The following DNAH14 variants were observed in gnomAD, a reference collection of about 807,000 sequenced individuals.
DNAH14 encodes axonemal beta dynein heavy chain 14.
A neutral mutation model predicts 520.9 loss-of-function variants in DNAH14; 478 were observed. The ratio of observed to expected loss-of-function variants is 0.92; its 90% CI spans 0.85 to 0.99. The LOEUF (loss-of-function observed/expected upper bound fraction) is 0.99, where lower values mean the gene tolerates loss of function less well. DNAH14 is among the 50% of genes least tolerant of loss of function. The pLI is 0.00. For missense variants in DNAH14, 4,831 were observed against 5,234.5 expected (o/e 0.92, Z 2.38); for synonymous variants, 1,581 against 1,757.2 (o/e 0.90, Z 2.51).
intron 79 of DNAH14, among the ~76,000 whole-genome samples, chr1:225,378,331 C>A (rs1055129955): frequency 1.3e-5 from 2 of 152,136 alleles, no homozygotes; most frequent in Non-Finnish European, 2.9e-5. Flanking sequence ...TCTTTGCCCT[C>A]TGAAGGTAAG....
intron 6 of DNAH14, chr1:224,967,955 G>A: frequency 8.7e-7 from 1 of 1,155,428 alleles, no homozygotes; most frequent in South Asian, 3.9e-5. Flanking sequence ...GCCAGATGTA[G>A]AAATCCCCCT....
At chr1:225,229,805 T>C (rs1458679424) in intron 41 of DNAH14, among the ~76,000 whole-genome samples, 2 of 152,022 alleles carry the variant, frequency 1.3e-5, no homozygotes, top group African/African-American at 4.8e-5. Flanking sequence ...CTAGGAGAAA[T>C]ACCTAATGTC....
At position 225,023,780 on chromosome 1, in the gene DNAH14, A is replaced by G; in HGVS notation, c.1273A>G (p.Thr425Ala). 2 of 1,550,586 alleles carry G rather than the reference A, an allele frequency of 1.3e-6. No homozygotes were observed. Among genetic ancestry groups the G allele is most frequent in the East Asian group, 2.5e-5 (1 of 40,774 alleles). ...FQELIRQLMN[T>A]AVTLLLELFN... ...GGAACTCATTCGTCAACTTATGAAC[A>G]CTGCAGTCACACTACTTTTGGAATT... The change falls in exon 11 of 86, where the codon ACT (threonine) becomes GCT (alanine). Residue 425 changes from threonine to alanine, a missense_variant. Coordinates refer to ENST00000682510, the MANE Select transcript of DNAH14 (RefSeq NM_001367479.1).
chr1:225,000,566 C>G (rs956459716), intron 8 of DNAH14, among the ~76,000 whole-genome samples: 1 of 133,320 alleles, frequency 7.5e-6, no homozygotes, highest in Non-Finnish European at 1.6e-5. Context: ...AAGGTTTGTT[C>G]TTTTTTTTTT....
intron 49 of DNAH14, among the ~76,000 whole-genome samples, chr1:225,269,641 C>CA (rs983362657): frequency 3.3e-5 from 5 of 152,150 alleles, no homozygotes; most frequent in Middle Eastern, 3.4e-3. Flanking sequence ...AAGAAAAAAT[C>CA]AAACAACTCC....
chr1:225,035,811 T>G (rs2066912399), intron 11 of DNAH14, among the ~76,000 whole-genome samples: 1 of 152,198 alleles, frequency 6.6e-6, no homozygotes, highest in African/African-American at 2.4e-5. Context: ...TATCTAGTCA[T>G]TGGATGAAAT....
intron 17 of DNAH14, among the ~76,000 whole-genome samples, chr1:225,053,374 A>C (rs1189042211): frequency 1.3e-5 from 2 of 152,184 alleles, no homozygotes; most frequent in African/African-American, 2.4e-5. Flanking sequence ...GGTGAAGCTA[A>C]GAAATGGAGA....
chr1:225,258,978 C>A, intron 45 of DNAH14, 143 bp from the exon 46 acceptor site: 1 of 831,688 alleles, frequency 1.2e-6, no homozygotes, highest in Non-Finnish European at 1.8e-6. Flanking sequence ...CCACTCTTAA[C>A]CACATTTTTT....
chr1:225,378,575 G>T (rs2095734603), intron 79 of DNAH14, among the ~76,000 whole-genome samples: 2 of 152,094 alleles, frequency 1.3e-5, no homozygotes, highest in African/African-American at 4.8e-5. Context: ...GTGAAACCTG[G>T]AGTGTTTGTT....
chr1:225,184,679 T>G (rs970520247), intron 36 of DNAH14, among the ~76,000 whole-genome samples: 2 of 151,382 alleles, frequency 1.3e-5, no homozygotes, highest in African/African-American at 4.9e-5. Context: ...GAAAAAGCAT[T>G]TTATAAAATC....
chr1:225,353,919 T>TAATATTTC, intron 73 of DNAH14, 31 bp downstream of exon 73: 1 of 1,237,872 alleles, frequency 8.1e-7, no homozygotes, highest in Non-Finnish European at 1.1e-6. Context: ...ATATTAATAT[T>TAATATTTC]CTAAATATTT....
intron 36 of DNAH14, among the ~76,000 whole-genome samples, chr1:225,171,494 C>G (rs567015590): frequency 8.5e-5 from 13 of 152,292 alleles, no homozygotes; most frequent in African/African-American, 2.9e-4. Context: ...ATAAACACCT[C>G]TATGCAAATA....
At chr1:225,180,571 G>C (rs909910542) in intron 36 of DNAH14, among the ~76,000 whole-genome samples, 1 of 152,102 alleles carries the variant, frequency 6.6e-6, no homozygotes. Context: ...TTAATAACCA[G>C]CTCTTGAAGG....
At chr1:225,351,537 A>G (rs1035729995) in intron 71 of DNAH14, 110 bp from the exon 72 acceptor site, 34 of 535,570 alleles carry the variant, frequency 6.3e-5, no homozygotes, top group Non-Finnish European at 8.6e-5. Context: ...AGTAATTTTT[A>G]TATGAAATAG....
intron 83 of DNAH14, among the ~76,000 whole-genome samples, chr1:225,390,938 G>C (rs1291255343): frequency 6.6e-6 from 1 of 152,070 alleles, no homozygotes; most frequent in African/African-American, 2.4e-5. Flanking sequence ...AATGATTCTG[G>C]GGGTGGGGGG....
chr1:224,967,180 A>G (rs1034234720), intron 5 of DNAH14, among the ~76,000 whole-genome samples: 2 of 152,082 alleles, frequency 1.3e-5, no homozygotes, highest in African/African-American at 4.8e-5. Context: ...AAGTATATAG[A>G]TAATTTTTTC....
chr1:225,177,978 C>A (rs2083513896), intron 36 of DNAH14, among the ~76,000 whole-genome samples: 1 of 152,134 alleles, frequency 6.6e-6, no homozygotes, highest in Non-Finnish European at 1.5e-5. Context: ...CACTCAATGC[C>A]AGCCCTTGAA....
In DNAH14 at chr1:225,273,136, A is replaced by G. The variant is rs1457132974; in HGVS notation, c.8010+11A>G. ...GAGAACTGTTTTCAGGTAAATTTAT[A>G]TTTTAAAAATTATTGGCCGGGTGTG... On this transcript the variant is annotated intron_variant, in intron 52 of 85. Transcript: ENST00000682510. The G allele has an allele frequency of 6.5e-7, 1 of 1,543,888 alleles. No individual in the cohort carries two copies. Among genetic ancestry groups the G allele is most frequent in the Non-Finnish European group, 8.7e-7 (1 of 1,144,478 alleles).
At position 225,352,782 on chromosome 1, in the gene DNAH14, G is replaced by A. The variant is rs150685504; in HGVS notation, c.11533+899G>A. Among the ~76,000 whole-genome samples, 700 of 151,850 alleles carry A rather than the reference G, an allele frequency of 4.6e-3. 3 individuals are homozygous for A. The highest frequency in any genetic ancestry group is 0.015 in the African/African-American group (635 of 41,430). On this transcript the variant is annotated intron_variant, in intron 72 of 85. Transcript: ENST00000682510. ...TTTTTATAGTACCTATGCTATATGC[G>A]TTTAAATGTTTGTATAGTCAATTAT...
Sources: gnomAD v4.1 joint callset for allele counts (sites outside exome capture counted in the v4.1 genomes callset) on GRCh38, gnomAD v4.1.1 for gene constraint, MANE v1.5 for transcripts, NCBI Gene and HGNC (gene_info 2026-07-23, HGNC 2026-07-21) for gene names.